Variants in ATAD5 observed in about 807,000 individuals in gnomAD.
ATAD5 encodes ATPase family AAA domain-containing protein 5.
In ATAD5, 58 loss-of-function variants were observed where a neutral mutation model predicts 176.9. That is an observed-to-expected ratio of 0.33 (90% CI 0.27 to 0.41). ATAD5 has a LOEUF of 0.41. ATAD5 is among the 10% of genes least tolerant of loss of function. The pLI is 1.00. For synonymous variants in ATAD5, 640 were observed against 712.6 expected, an observed-to-expected ratio of 0.90 and a Z score of 1.62; for missense variants, 1,789 against 2,094.1, an observed-to-expected ratio of 0.85 and a Z score of 2.84.
intron 19 of ATAD5, among the ~76,000 whole-genome samples, chr17:30,890,216 T>C (rs56085216): frequency 0.13 from 20,000 of 151,958 alleles, 1,455 homozygotes; most frequent in South Asian, 0.24. Context: ...AAAGTAGATA[T>C]GCCTATATAT....
chr17:30,869,677 G>T, intron 14 of ATAD5, 31 bp downstream of exon 14: 3 of 1,550,934 alleles, frequency 1.9e-6, no homozygotes, highest in South Asian at 1.2e-5. Flanking sequence ...AAGCCATAAT[G>T]TTTTGAAAAA....
chr17:30,865,125 G>T (rs1469070970), intron 10 of ATAD5, among the ~76,000 whole-genome samples: 1 of 146,836 alleles, frequency 6.8e-6, no homozygotes, highest in African/African-American at 2.5e-5. Context: ...TGCTGGGCCA[G>T]ATGGTAATCC....
At chr17:30,858,023 C>T (rs1211402571) in intron 8 of ATAD5, 138 bp from the exon 9 acceptor site, 13 of 668,822 alleles carry the variant, frequency 1.9e-5, no homozygotes, top group Middle Eastern at 4.7e-4. Context: ...GGAATATAGG[C>T]GTGAGCCACC....
Position 30,837,334 on chromosome 17 carries a change from G to A in ATAD5, c.2076+20G>A, listed in dbSNP as rs746426752. The A allele has an allele frequency of 1.4e-6, 2 of 1,427,444 alleles. No individual in the cohort carries two copies. The highest frequency in any genetic ancestry group is 1.9e-6 in the Non-Finnish European group (2 of 1,045,420). The allele number at this position is 1,427,444 out of a possible 1,614,324, so 88.4% of individuals were successfully genotyped here. ...AGAAAGGTAATTAAAATATTAGAGA[G>A]TCCTATAAGTGCCATTCTGTTTCCT... On this transcript the variant is annotated intron_variant, in intron 3 of 22. Transcript: ENST00000321990.
At chr17:30,846,157 G>A (rs1227313108) in intron 6 of ATAD5, among the ~76,000 whole-genome samples, 1 of 152,034 alleles carries the variant, frequency 6.6e-6, no homozygotes, top group Non-Finnish European at 1.5e-5. Context: ...ATCACCACAA[G>A]ATTACCAAAA....
chr17:30,876,510 AAAT>A lies in ATAD5; in HGVS notation c.3748_3750del (p.Asn1250del). The A allele has an allele frequency of 6.3e-7, 1 of 1,590,320 alleles. No individual in the cohort carries two copies. Among genetic ancestry groups the A allele is most frequent in the Non-Finnish European group, 8.6e-7 (1 of 1,163,544 alleles). ...ATTTTAAAGTATCTCCCAAACCTAA[AAAT>A]AATGAAGAAATAGGAATGCTTCTGG... is the stretch of plus-strand genomic sequence containing the variant. On this transcript the variant is annotated inframe_deletion, in exon 15 of 23. Coordinates refer to ENST00000321990, the MANE Select transcript of ATAD5 (RefSeq NM_024857.5).
At position 30,840,696 on chromosome 17, in the gene ATAD5, A is replaced by C. The variant is rs1906049676; in HGVS notation, c.2156A>C (p.Lys719Thr). 6.2e-7 allele frequency: 1 copy of C among 1,609,232 alleles called. No homozygotes were observed. The highest frequency in any genetic ancestry group is 1.3e-5 in the African/African-American group (1 of 74,738). The change falls in exon 4 of 23, where the codon AAG becomes ACG. Residue 719 changes from lysine to threonine, a missense_variant. Lys to Thr is a moderately conservative substitution (Grantham distance 78). This residue lies in a region of ATAD5 where 487 missense variants were observed against 573.6 expected (regional missense o/e 0.85). Coordinates refer to ENST00000321990, the MANE Select transcript of ATAD5 (RefSeq NM_024857.5). ...AAAGCTTTACACATCAGTAGGTCAA[A>C]GGTGACTGAAGAAATAGCGATACCC... Reference protein sequence around the residue: ...KAKALHISRSKVTEEIAIPLR... With the variant: ...KAKALHISRSTVTEEIAIPLR...
intron 18 of ATAD5, among the ~76,000 whole-genome samples, chr17:30,880,106 A>G (rs1908923777): frequency 6.6e-6 from 1 of 151,390 alleles, no homozygotes; most frequent in Non-Finnish European, 1.5e-5. Flanking sequence ...GTTCGAGACT[A>G]GCTTGGGCAA....
chr17:30,870,198 G>A (rs1308379956), intron 14 of ATAD5, among the ~76,000 whole-genome samples: 1 of 152,124 alleles, frequency 6.6e-6, no homozygotes, highest in Non-Finnish European at 1.5e-5. Flanking sequence ...CAAATGATTT[G>A]TTCAAATCTG....
chr17:30,840,720 C>A lies in ATAD5; in HGVS notation c.2180C>A (p.Pro727His), dbSNP rs1217901494. Residue 727 changes from proline (P) to histidine (H), a missense_variant, in exon 4 of 23, where the codon CCC becomes CAC. Around this residue, in one of 6 missense-constraint regions of ATAD5, gnomAD observed 487 missense variants for 573.6 expected, o/e 0.85. Coordinates refer to ENST00000321990, the MANE Select transcript of ATAD5 (RefSeq NM_024857.5). The part of the protein sequence containing the change: ...RSKVTEEIAI[P>H]LRRSSRHQTL... ...AAGGTGACTGAAGAAATAGCGATAC[C>A]CTTAAGGCGCTCCTCTAGACATCAG... 6.2e-6 allele frequency: 10 copies of A among 1,609,178 alleles called. No individual in the cohort carries two copies. The highest frequency in any genetic ancestry group is 7.6e-6 in the Non-Finnish European group (9 of 1,178,314).
intron 18 of ATAD5, 32 bp downstream of exon 18, chr17:30,879,519 C>T (rs1908886840): frequency 6.6e-7 from 1 of 1,522,476 alleles, no homozygotes; most frequent in African/African-American, 1.4e-5. Context: ...CCACAAATTA[C>T]ATATCACCAT....
At chr17:30,837,452 A>G (rs960599620) in intron 3 of ATAD5, 138 bp downstream of exon 3, 3 of 608,434 alleles carry the variant, frequency 4.9e-6, no homozygotes, top group Non-Finnish European at 8.7e-6. Flanking sequence ...CTACAACCCT[A>G]TGATATTTTT....
At position 30,877,528 on chromosome 17, in the gene ATAD5, A is replaced by G. The variant is rs751623189; in HGVS notation, c.3897A>G (p.Thr1299=). 6.2e-7 allele frequency: 1 copy of G among 1,610,900 alleles called. No individual in the cohort carries two copies. The highest frequency in any genetic ancestry group is 8.5e-7 in the Non-Finnish European group (1 of 1,179,246). Residue 1299 remains threonine (T), a synonymous_variant, in exon 16 of 23, where the codon ACA becomes ACG. Coordinates refer to ENST00000321990, the MANE Select transcript of ATAD5 (RefSeq NM_024857.5). ...AAGAACCCAGCAGAAAAAATGCAAC[A>G]TCTCTTATTCTTTTTGAGGAGGTAG... ...GAEEPSRKNA[T]SLILFEEVDV...
Position 30,835,934 on chromosome 17 carries a change from A to G in ATAD5, c.1853A>G (p.Gln618Arg). The G allele has an allele frequency of 6.2e-7, 1 of 1,614,138 alleles. No individual in the cohort carries two copies. Residue 618 changes from glutamine to arginine, a missense_variant, in exon 2 of 23, where the codon CAA (glutamine) becomes CGA (arginine). Around this residue, in one of 6 missense-constraint regions of ATAD5, gnomAD observed 696 missense variants for 712.5 expected, o/e 0.98. Transcript: ENST00000321990. ...AGAGGTATTGATTCTGACGATGTACAAGATAATAGTCAACTAAAGGCTTCC... is the reference window on the plus strand; with the variant it reads ...AGAGGTATTGATTCTGACGATGTACGAGATAATAGTCAACTAAAGGCTTCC... ...TIRGIDSDDV[Q>R]DNSQLKASTQ...
intron 19 of ATAD5, among the ~76,000 whole-genome samples, chr17:30,889,308 C>A (rs1272255274): frequency 6.6e-6 from 1 of 151,002 alleles, no homozygotes; most frequent in Non-Finnish European, 1.5e-5. Context: ...GAGAAGGCCA[C>A]TGTGTTCAGC....
chr17:30,872,516 C>A (rs1227332961), intron 14 of ATAD5, among the ~76,000 whole-genome samples: 1 of 151,600 alleles, frequency 6.6e-6, no homozygotes, highest in Non-Finnish European at 1.5e-5. Flanking sequence ...GTCTGCTTGG[C>A]CTCCTCAGGT....
Position 30,832,345 on chromosome 17 carries a change from A to G in ATAD5, c.-3A>G. 6.5e-7 allele frequency: 1 copy of G among 1,548,632 alleles called. No homozygotes were observed. Among genetic ancestry groups the G allele is most frequent in the Non-Finnish European group, 8.7e-7 (1 of 1,145,716 alleles). ...GGAGACGGGATTCCGGGAAGCGGGG[A>G]GTATGGTGGGGGTCCTGGCCATGGC... is the stretch of plus-strand genomic sequence containing the variant. On this transcript the variant is annotated 5_prime_UTR_variant, in exon 1 of 23. Transcript: ENST00000321990.
In ATAD5 at chr17:30,878,069, A is replaced by G; in HGVS notation, c.3985A>G (p.Lys1329Glu). ...AATCAAAACATTCATGGCAACAACT[A>G]AACGACCTGTAATCCTTACTACAAG... ...NAIKTFMATTKRPVILTTSDP... is the reference protein window; with the variant it reads ...NAIKTFMATTERPVILTTSDP... The change falls in exon 17 of 23, where the codon AAA becomes GAA. Residue 1329 changes from lysine (K) to glutamate (E), a missense_variant. Transcript: ENST00000321990. 6.2e-7 allele frequency: 1 copy of G among 1,611,392 alleles called. No individual in the cohort carries two copies. Among genetic ancestry groups the G allele is most frequent in the Non-Finnish European group, 8.5e-7 (1 of 1,178,428 alleles).
intron 9 of ATAD5, among the ~76,000 whole-genome samples, chr17:30,858,677 C>T (rs148768386): frequency 3.5e-3 from 525 of 151,850 alleles, no homozygotes; most frequent in African/African-American, 0.011. Flanking sequence ...TGAGCCACTG[C>T]GCTTGGCCTA....
Sources: gnomAD v4.1 joint callset for allele counts (sites outside exome capture counted in the v4.1 genomes callset) on GRCh38, gnomAD v4.1.1 for gene constraint, gnomAD v4.1.1 regional missense constraint, MANE v1.5 for transcripts, NCBI Gene and HGNC (gene_info 2026-07-23, HGNC 2026-07-21) for gene names.